The following MTMR14 variants were observed in gnomAD, a reference collection of about 807,000 sequenced individuals.
MTMR14 encodes the protein myotubularin related protein 14, also known as phosphatidylinositol-3,5-bisphosphate 3-phosphatase MTMR14.
In MTMR14, 48 loss-of-function variants were observed where a neutral mutation model predicts 86.3. The ratio of observed to expected loss-of-function variants is 0.56; its 90% CI spans 0.44 to 0.71. The LOEUF is 0.71. Ranked by LOEUF, MTMR14 falls within the 30% of genes least tolerant of loss-of-function variation. The probability of loss-of-function intolerance (pLI) is 0.00; values close to 1 mark genes in which losing one functional copy is unlikely to be tolerated. For synonymous variants in MTMR14, 366 were observed against 326.1 expected (o/e 1.12, Z -1.32); for missense variants, 780 against 834.6 (o/e 0.93, Z 0.81).
intron 9 of MTMR14, among the ~76,000 whole-genome samples, chr3:9,679,288 A>G (rs1361919908): frequency 6.6e-6 from 1 of 152,214 alleles, no homozygotes; most frequent in East Asian, 1.9e-4. Flanking sequence ...AGCCTGGAGA[A>G]GGAACAGGTT....
chr3:9,686,492 C>CG (rs2075960149), intron 13 of MTMR14, among the ~76,000 whole-genome samples: 1 of 152,180 alleles, frequency 6.6e-6, no homozygotes, highest in African/African-American at 2.4e-5. Flanking sequence ...TGTTACCCCC[C>CG]CCAGACAATC....
Position 9,677,119 on chromosome 3 carries a change from A to G in MTMR14, c.752-198A>G, listed in dbSNP as rs1457852470. Among the ~76,000 whole-genome samples the G allele has an allele frequency of 6.6e-6, 1 of 152,196 alleles. No homozygotes were observed. Among genetic ancestry groups the G allele is most frequent in the African/African-American group, 2.4e-5 (1 of 41,448 alleles). On this transcript the variant is annotated intron_variant, in intron 7 of 18. Coordinates refer to ENST00000296003, the MANE Select transcript of MTMR14 (RefSeq NM_001077525.3). The surrounding 1 kb of genome is among the most constrained non-coding windows in gnomAD (Gnocchi z 4.2). The stretch of plus-strand genomic sequence containing the variant: ...CGTGGAAAAGGCATGCAGCCAGGAA[A>G]CCAGAGGGGCTCTAGAGGCTCGCCC...
chr3:9,665,138 C>T (rs2048171689), intron 3 of MTMR14, among the ~76,000 whole-genome samples: 1 of 151,962 alleles, frequency 6.6e-6, no homozygotes, highest in Admixed American at 6.6e-5. Context: ...AAAAATTAGC[C>T]AGGCAAGGTG....
At chr3:9,696,127 CAT>C (rs1035563098) in intron 17 of MTMR14, among the ~76,000 whole-genome samples, 1 of 152,196 alleles carries the variant, frequency 6.6e-6, no homozygotes, top group Admixed American at 6.5e-5. Flanking sequence ...GCAGCCTTAA[CAT>C]AGAAAACCAT....
chr3:9,664,130 G>A (rs1047237391), intron 3 of MTMR14, among the ~76,000 whole-genome samples: 10 of 151,642 alleles, frequency 6.6e-5, no homozygotes, highest in African/African-American at 2.2e-4. Context: ...GCAGCACAGC[G>A]CTTGTCATTA....
At position 9,665,387 on chromosome 3, in the gene MTMR14, G is replaced by T. The variant is rs930753683; in HGVS notation, c.417+3012G>T. On this transcript the variant is annotated intron_variant, in intron 3 of 18. Coordinates refer to ENST00000296003, the MANE Select transcript of MTMR14 (RefSeq NM_001077525.3). ...CAGCGGAAACAGAAAATCAAATACC[G>T]CATGTTCTCATTCATAAGTGGGAGC... Among the ~76,000 whole-genome samples the T allele has an allele frequency of 3.3e-5, 5 of 151,670 alleles. No individual in the cohort carries two copies. The East Asian group carries it at 9.7e-4, about 29-fold the overall frequency.
intron 1 of MTMR14, among the ~76,000 whole-genome samples, chr3:9,649,985 C>T (rs535483048): frequency 1.3e-5 from 2 of 151,906 alleles, no homozygotes; most frequent in Non-Finnish European, 2.9e-5. Context: ...GAGAAGGGGT[C>T]TGGAGGTGAG....
At position 9,689,874 on chromosome 3, in the gene MTMR14, G is replaced by C; in HGVS notation, c.1434-90G>C. ...CTCATGTGATGTTTTCCCAGTGGAA[G>C]TAAAGCCTAGGCCTGAAATTCAGTG... On this transcript the variant is annotated intron_variant, in intron 16 of 18. Coordinates refer to ENST00000296003, the MANE Select transcript of MTMR14 (RefSeq NM_001077525.3). 3 of 1,306,934 alleles carry C rather than the reference G, an allele frequency of 2.3e-6. No individual in the cohort carries two copies. The South Asian group carries it at 3.9e-5, about 17-fold the overall frequency. 81.0% of individuals were successfully genotyped at this position (1,306,934 alleles called of 1,614,324 possible).
rs762584954 is a variant in MTMR14 at position 9,690,083 on chromosome 3, C to T, written c.1553C>T (p.Ser518Leu). 3.1e-6 allele frequency: 5 copies of T among 1,613,652 alleles called. No individual in the cohort carries two copies. In the East Asian group the frequency reaches 8.9e-5, roughly 29 times the overall value. Residue 518 changes from serine (S) to leucine (L), a missense_variant, in exon 17 of 19, where the codon TCA becomes TTA. Coordinates refer to ENST00000296003, the MANE Select transcript of MTMR14 (RefSeq NM_001077525.3). ...AEARSSSSSS[S>L]NHSDNFFRMG... ...GCCAGGTCTTCCAGCTCCTCTTCCT[C>T]AAACCATTCTGATAACTTTTTCAGG...
Position 9,684,613 on chromosome 3 carries a change from C to T in MTMR14, c.993C>T (p.Ile331=). Residue 331 remains isoleucine, a synonymous_variant, in exon 11 of 19, where the codon ATC becomes ATT. Coordinates refer to ENST00000296003, the MANE Select transcript of MTMR14 (RefSeq NM_001077525.3). ...ACAGCGGGCTGCTGGTACACTGTAT[C>T]TCAGGCTGGGATCGGACCCCCCTCT... ...DDDSGLLVHC[I]SGWDRTPLFI... 6.2e-7 allele frequency: 1 copy of T among 1,614,190 alleles called. No homozygotes were observed. Among genetic ancestry groups the T allele is most frequent in the Non-Finnish European group, 8.5e-7 (1 of 1,180,030 alleles).
At chr3:9,692,304 AAAGTT>A (rs1319646977) in intron 17 of MTMR14, among the ~76,000 whole-genome samples, 1 of 152,214 alleles carries the variant, frequency 6.6e-6, no homozygotes, top group African/African-American at 2.4e-5. Context: ...AGCTTTGTTC[AAAGTT>A]AAGTAGTAGG....
intron 9 of MTMR14, 115 bp from the exon 10 acceptor site, chr3:9,683,063 A>T (rs1250926456): frequency 1.1e-6 from 1 of 888,296 alleles, no homozygotes; most frequent in African/African-American, 1.7e-5. Context: ...TATGGTCTGT[A>T]ACCAAGGACC....
In MTMR14 at chr3:9,701,124, T is replaced by C. The variant is rs2076442433; in HGVS notation, c.1770-666T>C. The C allele has an allele frequency of 6.5e-6, 1 of 153,218 alleles. No homozygotes were observed. Among genetic ancestry groups the C allele is most frequent in the African/African-American group, 2.4e-5 (1 of 41,466 alleles). The allele number at this position is 153,218 out of a possible 1,614,324, so 9.5% of individuals were successfully genotyped here. Reference sequence around the variant, plus strand: ...TCAACAGCTGCAGCGTGCTGCCAGATTTCAGGGGCCTCCTTACTGTTAGGT... The same window carrying C: ...TCAACAGCTGCAGCGTGCTGCCAGACTTCAGGGGCCTCCTTACTGTTAGGT... On this transcript the variant is annotated intron_variant, in intron 18 of 18. Transcript: ENST00000296003. The surrounding 1 kb of genome is among the most constrained non-coding windows in gnomAD (Gnocchi z 4.2).
intron 13 of MTMR14, among the ~76,000 whole-genome samples, chr3:9,686,486 A>AC (rs113106403): frequency 0.018 from 2,757 of 150,392 alleles, 49 homozygotes; most frequent in African/African-American, 0.036. Flanking sequence ...CCTTTCTGTT[A>AC]CCCCCCCCAG....
At chr3:9,668,645 G>T in intron 3 of MTMR14, 74 bp from the exon 4 acceptor site, 1 of 1,488,056 alleles carries the variant, frequency 6.7e-7, no homozygotes, top group Non-Finnish European at 9.4e-7. Context: ...AGAGTCAGAG[G>T]AGTCCCACAT....
chr3:9,697,700 C>G lies in MTMR14; in HGVS notation c.1614-11C>G, dbSNP rs759097091. 1 of 1,613,374 alleles carries G rather than the reference C, an allele frequency of 6.2e-7. No individual in the cohort carries two copies. Among genetic ancestry groups the G allele is most frequent in the South Asian group, 1.1e-5 (1 of 91,006 alleles). On this transcript the variant is annotated splice_polypyrimidine_tract_variant and intron_variant, in intron 17 of 18. Transcript: ENST00000296003. ...CTGCATCCTCTCCCCTCTCTCTCCT[C>G]TCTGCCCCAGATCAGTGGACCATCC...
At chr3:9,685,073 C>G in intron 12 of MTMR14, 109 bp downstream of exon 12, 1 of 1,476,860 alleles carries the variant, frequency 6.8e-7, no homozygotes, top group Non-Finnish European at 9.5e-7. Flanking sequence ...TTCCACCCCT[C>G]GAGAAGGACC....
chr3:9,684,975 G>A lies in MTMR14; in HGVS notation c.1127+11G>A. 7 of 1,613,854 alleles carry A rather than the reference G, an allele frequency of 4.3e-6. No individual in the cohort carries two copies. The highest frequency in any genetic ancestry group is 5.9e-6 in the Non-Finnish European group (7 of 1,179,760). ...CTGGTTCCTCTTCGGGTAAGCCTTT[G>A]CAGGAGTTGGGTTTTGGGGCCTTAG... On this transcript the variant is annotated intron_variant, in intron 12 of 18. Coordinates refer to ENST00000296003, the MANE Select transcript of MTMR14 (RefSeq NM_001077525.3).
intron 2 of MTMR14, among the ~76,000 whole-genome samples, chr3:9,655,116 G>A (rs2047520212): frequency 6.6e-6 from 1 of 152,062 alleles, no homozygotes; most frequent in African/African-American, 2.4e-5. Context: ...AGTGGCTCAT[G>A]CCTGTAATCC....
Sources: gnomAD v4.1 joint callset for allele counts (sites outside exome capture counted in the v4.1 genomes callset) on GRCh38, gnomAD v4.1.1 for gene constraint, Gnocchi (gnomAD v3.1) non-coding constraint, MANE v1.5 for transcripts, NCBI Gene and HGNC (gene_info 2026-07-23, HGNC 2026-07-21) for gene names.